Variants in EYS observed in about 807,000 individuals in gnomAD.
EYS encodes the protein EGF-like photoreceptor maintenance factor.
In EYS, 250 loss-of-function variants were observed where a neutral mutation model predicts 282.1. That is an observed-to-expected ratio of 0.89 (90% CI 0.80 to 0.98). The LOEUF is 0.98. EYS is among the 50% of genes least tolerant of loss of function. The pLI, the probability that EYS is intolerant of heterozygous loss-of-function variation, is 0.00. For missense variants in EYS, 4,016 were observed against 3,709.0 expected, an observed-to-expected ratio of 1.08 and a Z score of -2.15; for synonymous variants, 1,355 against 1,282.9, an observed-to-expected ratio of 1.06 and a Z score of -1.20.
intron 31 of EYS, among the ~76,000 whole-genome samples, chr6:64,203,614 A>T (rs780849577): frequency 4.6e-5 from 7 of 152,148 alleles, no homozygotes; most frequent in African/African-American, 7.2e-5. Context: ...ATGTTTTAAG[A>T]TTGAATGTGT....
intron 1 of EYS, among the ~76,000 whole-genome samples, chr6:65,677,374 C>T (rs1027623497): frequency 9.2e-5 from 14 of 151,584 alleles, no homozygotes; most frequent in African/African-American, 1.7e-4. Context: ...GGAAAATTTC[C>T]GGGATAAAAA....
chr6:64,014,302 T>C (rs1366117196), intron 33 of EYS, among the ~76,000 whole-genome samples: 1 of 152,154 alleles, frequency 6.6e-6, no homozygotes, highest in African/African-American at 2.4e-5. Context: ...TGCCATTTTT[T>C]TTTTTACAAA....
At chr6:65,507,721 T>C (rs1355233769) in intron 2 of EYS, among the ~76,000 whole-genome samples, 2 of 152,178 alleles carry the variant, frequency 1.3e-5, no homozygotes, top group Non-Finnish European at 2.9e-5. Context: ...ATGTCCATTC[T>C]CTAATGAACC....
At chr6:64,284,641 C>A (rs928344627) in intron 30 of EYS, among the ~76,000 whole-genome samples, 8 of 152,204 alleles carry the variant, frequency 5.3e-5, no homozygotes, top group Non-Finnish European at 1.2e-4. Flanking sequence ...TCGATGAGAG[C>A]CCCACCTCTG....
intron 26 of EYS, among the ~76,000 whole-genome samples, chr6:64,452,853 T>A (rs1299020082): frequency 6.6e-5 from 10 of 152,142 alleles, no homozygotes; most frequent in Non-Finnish European, 7.3e-5. Context: ...TATACAAAAA[T>A]TAATTCAAGA....
intron 35 of EYS, among the ~76,000 whole-genome samples, chr6:63,932,772 A>C (rs190162745): frequency 1.6e-4 from 25 of 152,342 alleles, no homozygotes; most frequent in Non-Finnish European, 7.3e-5. Context: ...TCTCCAGTAG[A>C]CACCAGTTGA....
chr6:65,014,812 T>A (rs1215561915), intron 13 of EYS, among the ~76,000 whole-genome samples: 1 of 152,206 alleles, frequency 6.6e-6, no homozygotes, highest in Admixed American at 6.5e-5. Flanking sequence ...TCTGGAAACC[T>A]GCGAGTGCTA....
At chr6:65,420,000 T>A (rs1767393927) in intron 5 of EYS, among the ~76,000 whole-genome samples, 1 of 152,058 alleles carries the variant, frequency 6.6e-6, no homozygotes, top group African/African-American at 2.4e-5. Flanking sequence ...ATGCTAACAA[T>A]CATCCATGCT....
At chr6:64,045,817 A>G (rs889012911) in intron 33 of EYS, among the ~76,000 whole-genome samples, 6 of 150,616 alleles carry the variant, frequency 4.0e-5, no homozygotes, top group African/African-American at 1.5e-4. Context: ...GTATGTGTAC[A>G]TTGATATATA....
At chr6:64,962,735 A>G (rs1018033711) in intron 14 of EYS, among the ~76,000 whole-genome samples, 1 of 152,028 alleles carries the variant, frequency 6.6e-6, no homozygotes, top group Non-Finnish European at 1.5e-5. Flanking sequence ...GCAACAGAAT[A>G]AGACCAGGTC....
chr6:64,142,597 T>C (rs1399806986), intron 31 of EYS, among the ~76,000 whole-genome samples: 1 of 152,064 alleles, frequency 6.6e-6, no homozygotes, highest in East Asian at 1.9e-4. Context: ...GTTTGCTAAG[T>C]TTATAGAAGG....
chr6:65,561,694 T>A (rs554844051), intron 2 of EYS, among the ~76,000 whole-genome samples: 1 of 152,094 alleles, frequency 6.6e-6, no homozygotes, highest in African/African-American at 2.4e-5. Flanking sequence ...TTAGATGGCA[T>A]CTTAAAAATA....
chr6:64,684,868 G>T (rs1363037873), intron 22 of EYS, among the ~76,000 whole-genome samples: 1 of 151,776 alleles, frequency 6.6e-6, no homozygotes, highest in Admixed American at 6.6e-5. Flanking sequence ...AGAATAGGAA[G>T]TAAATTATCA....
intron 22 of EYS, among the ~76,000 whole-genome samples, chr6:64,669,441 T>G (rs1769358907): frequency 2.0e-5 from 3 of 152,128 alleles, no homozygotes. Context: ...TTTGGGCTTG[T>G]GTAAGAGTTT....
intron 12 of EYS, among the ~76,000 whole-genome samples, chr6:65,142,401 C>T (rs773652368): frequency 6.7e-6 from 1 of 150,246 alleles, no homozygotes; most frequent in Non-Finnish European, 1.5e-5. Context: ...ATCAGTAGAT[C>T]TTTGTTGTGA....
At chr6:65,638,049 G>A (rs1045782505) in intron 2 of EYS, among the ~76,000 whole-genome samples, 1 of 152,160 alleles carries the variant, frequency 6.6e-6, no homozygotes, top group African/African-American at 2.4e-5. Context: ...AACTTACGGT[G>A]CTTTTTTCGG....
At chr6:64,217,705 G>A (rs749768322) in intron 31 of EYS, among the ~76,000 whole-genome samples, 5 of 151,786 alleles carry the variant, frequency 3.3e-5, no homozygotes, top group Non-Finnish European at 5.9e-5. Flanking sequence ...GCAAACAATG[G>A]GTGATAACTA....
chr6:65,656,079 A>G (rs1296102695), intron 1 of EYS, among the ~76,000 whole-genome samples: 1 of 151,774 alleles, frequency 6.6e-6, no homozygotes, highest in Non-Finnish European at 1.5e-5. Context: ...GTTTTGGGGC[A>G]CCACAAACCA....
At chr6:65,062,399 A>T (rs1773603749) in intron 12 of EYS, among the ~76,000 whole-genome samples, 1 of 151,920 alleles carries the variant, frequency 6.6e-6, no homozygotes, top group African/African-American at 2.4e-5. Context: ...CTCTATTACC[A>T]ATATCTAGTC....
Sources: allele counts gnomAD v4.1 joint callset (sites outside exome capture counted in the v4.1 genomes callset), GRCh38; gene constraint gnomAD v4.1.1; transcripts MANE v1.5; gene names NCBI Gene and HGNC (gene_info 2026-07-23, HGNC 2026-07-21).